Variants in AVIL observed in about 807,000 individuals in gnomAD.
The protein encoded by AVIL is advillin.
AVIL carries 78 observed loss-of-function variants against 109.9 expected under a neutral mutation model. That is an observed-to-expected ratio of 0.71 (90% CI 0.59 to 0.86). The LOEUF (loss-of-function observed/expected upper bound fraction) is 0.86. AVIL is among the 40% of genes least tolerant of loss of function. The probability of loss-of-function intolerance (pLI) is 0.00; values close to 1 mark genes in which losing one functional copy is unlikely to be tolerated. For synonymous variants in AVIL, 367 were observed against 379.1 expected, an observed-to-expected ratio of 0.97 and a Z score of 0.37; for missense variants, 892 against 1,016.5, an observed-to-expected ratio of 0.88 and a Z score of 1.67.
At chr12:57,812,871 A>G (rs983429680) in intron 4 of AVIL, among the ~76,000 whole-genome samples, 21 of 152,346 alleles carry the variant, frequency 1.4e-4, no homozygotes, top group Admixed American at 9.1e-4. Flanking sequence ...TCCTAACATC[A>G]TTAATGAGGC....
At chr12:57,802,585 A>G (rs961375547) in intron 16 of AVIL, 2 of 711,342 alleles carry the variant, frequency 2.8e-6, no homozygotes, top group Non-Finnish European at 5.1e-6. Flanking sequence ...GCTGTCTCTG[A>G]ACTTCAGCTT....
At chr12:57,803,204 T>A in intron 16 of AVIL, 43 bp downstream of exon 16, 2 of 1,612,202 alleles carry the variant, frequency 1.2e-6, no homozygotes, top group South Asian at 2.2e-5. Flanking sequence ...ACCCTTACTG[T>A]GGGAGTCTTT....
At position 57,808,402 on chromosome 12, in the gene AVIL, A is replaced by G. The variant is rs1208521509; in HGVS notation, c.1086T>C (p.Gly362=). ...ATCTGGGGGCAGTCTCACCAATTTT[A>G]CCAATGCTGAACGTTTTCCCCAGGC... ...TMGLGKTFSI[G]KIAKVFQDKF... Residue 362 remains glycine (G), a synonymous_variant, in exon 10 of 20, where the codon GGT becomes GGC. Coordinates refer to ENST00000549994, the MANE Select transcript of AVIL (RefSeq NM_006576.4). The G allele has an allele frequency of 4.3e-6, 7 of 1,613,984 alleles. No individual in the cohort carries two copies. Among genetic ancestry groups the G allele is most frequent in the Non-Finnish European group, 5.9e-6 (7 of 1,180,020 alleles).
intron 13 of AVIL, among the ~76,000 whole-genome samples, 187 bp from the exon 14 acceptor site, chr12:57,806,726 C>T (rs1955954158): frequency 6.6e-6 from 1 of 152,210 alleles, no homozygotes; most frequent in Non-Finnish European, 1.5e-5. Context: ...ATCCTGAGAA[C>T]TTTATCATAT....
rs1459350300 is a variant in AVIL at position 57,799,809 on chromosome 12, G to T, written c.2332C>A (p.Pro778Thr). 6.2e-7 allele frequency: 1 copy of T among 1,613,888 alleles called. No individual in the cohort carries two copies. Among genetic ancestry groups the T allele is most frequent in the South Asian group, 1.1e-5 (1 of 91,066 alleles). The change falls in exon 19 of 20, where the codon CCT becomes ACT. Residue 778 changes from proline to threonine, a missense_variant. Coordinates refer to ENST00000549994, the MANE Select transcript of AVIL (RefSeq NM_006576.4). ...CAGCCACTCACCTCCTTTTTGGCAG[G>T]GTTTACATCCTCAGGCAGCTCCTGA... Reference protein sequence around the residue: ...QNQELPEDVNPAKKENYLSEQ... With the variant: ...QNQELPEDVNTAKKENYLSEQ...
intron 4 of AVIL, 68 bp from the exon 5 acceptor site, chr12:57,811,195 A>T (rs1595172885): frequency 1.4e-6 from 2 of 1,414,974 alleles, no homozygotes; most frequent in Middle Eastern, 3.6e-4. Context: ...ACAGTGGTGA[A>T]TTACACAGAT....
Position 57,808,492 on chromosome 12 carries a change from A to G in AVIL, c.996T>C (p.Asp332=). 6.2e-7 allele frequency: 1 copy of G among 1,614,084 alleles called. No individual in the cohort carries two copies. Among genetic ancestry groups the G allele is most frequent in the South Asian group, 1.1e-5 (1 of 91,072 alleles). The change falls in exon 10 of 20, where the codon GAT becomes GAC. Residue 332 remains aspartate, a synonymous_variant. Coordinates refer to ENST00000549994, the MANE Select transcript of AVIL (RefSeq NM_006576.4). ...GCTTGAACATGGCCGACTCAGCACC[A>G]TCGTTGACGGTCTCCACATTGGTGC... ...PSSTNVETVN[D]GAESAMFKQL... is the part of the protein sequence containing the mutation.
intron 3 of AVIL, 133 bp downstream of exon 3, chr12:57,814,019 C>G: frequency 2.2e-6 from 2 of 909,396 alleles, no homozygotes; most frequent in Non-Finnish European, 3.3e-6. Context: ...GAGGTCTGCT[C>G]TGCATAGCAC....
intron 15 of AVIL, 43 bp from the exon 16 acceptor site, chr12:57,803,434 G>A: frequency 6.2e-7 from 1 of 1,613,576 alleles, no homozygotes; most frequent in South Asian, 1.1e-5. Context: ...GCTTAGAAAT[G>A]TTTTTAAAAC....
Position 57,813,307 on chromosome 12 carries a change from C to T in AVIL, c.258G>A (p.Leu86=), listed in dbSNP as rs140678741. The T allele has an allele frequency of 5.6e-6, 9 of 1,613,952 alleles. No individual in the cohort carries two copies. Among genetic ancestry groups the T allele is most frequent in the African/African-American group, 1.3e-5 (1 of 74,886 alleles). The change falls in exon 4 of 20, where the codon CTG becomes CTA. Residue 86 remains leucine (L), a synonymous_variant. Coordinates refer to ENST00000549994, the MANE Select transcript of AVIL (RefSeq NM_006576.4). ...CTCGGTGCTGCACAGGGCTGCCTCC[C>T]AGGTAGTCGTCCAGCTGTGTGGTAT... ...AIYTTQLDDY[L]GGSPVQHREV...
At chr12:57,817,055 G>A (rs1300130918) in intron 1 of AVIL, among the ~76,000 whole-genome samples, 1 of 151,754 alleles carries the variant, frequency 6.6e-6, no homozygotes, top group Non-Finnish European at 1.5e-5. Context: ...TATTCAAGGA[G>A]CATCTTGGGT....
intron 7 of AVIL, 131 bp from the exon 8 acceptor site, chr12:57,810,021 TTGAG>T: frequency 1.1e-6 from 1 of 922,740 alleles, no homozygotes. Flanking sequence ...CAGCCATGAC[TTGAG>T]TGAGGACAGG....
Position 57,816,028 on chromosome 12 carries a change from T to C in AVIL, c.13A>G (p.Ser5Gly). MPLT[S>G]AFRAVDNDPG... ...TCGTTGTCCACAGCCCTGAAGGCAC[T>C]GGTCAGAGGCATGATGCTTGTCTTT... The change falls in exon 2 of 20, where the codon AGT (serine) becomes GGT (glycine). Residue 5 changes from serine to glycine, a missense_variant. Physicochemically the swap from Ser to Gly is moderately conservative, Grantham distance 56. Coordinates refer to ENST00000549994, the MANE Select transcript of AVIL (RefSeq NM_006576.4). The C allele has an allele frequency of 6.2e-7, 1 of 1,613,550 alleles. No homozygotes were observed. The highest frequency in any genetic ancestry group is 8.5e-7 in the Non-Finnish European group (1 of 1,179,804).
intron 8 of AVIL, 45 bp downstream of exon 8, chr12:57,809,767 G>A (rs1321754147): frequency 6.2e-7 from 1 of 1,612,988 alleles, no homozygotes; most frequent in Non-Finnish European, 8.5e-7. Flanking sequence ...TGCTTCTGAA[G>A]CATGTCTGGC....
At position 57,808,525 on chromosome 12, in the gene AVIL, G is replaced by T. The variant is rs1272935390; in HGVS notation, c.963C>A (p.Tyr321Ter). The T allele has an allele frequency of 2.4e-5, 38 of 1,614,000 alleles. No homozygotes were observed. In the Admixed American group the frequency reaches 6.3e-4, roughly 27 times the overall value. ...KALGFIKMKS[Y>*]PSSTNVETVN... ...CGGTCTCCACATTGGTGCTGCTGGG[G>T]TAGCTCTTCATCTTGATGAAGCCCT... Residue 321 changes from tyrosine to a stop codon, truncating the protein, a stop_gained, in exon 10 of 20, where the codon TAC becomes TAA. Coordinates refer to ENST00000549994, the MANE Select transcript of AVIL (RefSeq NM_006576.4). LOFTEE classifies it high-confidence loss of function.
rs770410961 is a variant in AVIL at position 57,806,436 on chromosome 12, G to A, written c.1595C>T (p.Ala532Val). The change falls in exon 14 of 20, where the codon GCC becomes GTC. Residue 532 changes from alanine (A) to valine (V), a missense_variant. Coordinates refer to ENST00000549994, the MANE Select transcript of AVIL (RefSeq NM_006576.4). ...ATTGGAGTTTAGGGAGGAGGCAAAG[G>A]CTGGAACTTCCACTGCTTTGGTGTT... ...KSNTKAVEVP[A>V]FASSLNSNDV... 1 of 1,614,106 alleles carries A rather than the reference G, an allele frequency of 6.2e-7. No homozygotes were observed.
intron 18 of AVIL, 64 bp downstream of exon 18, chr12:57,801,080 T>C (rs1334571710): frequency 8.8e-6 from 12 of 1,371,320 alleles, no homozygotes; most frequent in South Asian, 1.2e-5. Context: ...TCTGTAGCAT[T>C]TGTGTGTTCT....
At chr12:57,802,484 G>T in intron 16 of AVIL, 136 bp from the exon 17 acceptor site, 1 of 1,042,368 alleles carries the variant, frequency 9.6e-7, no homozygotes. Flanking sequence ...AGCCTAATTT[G>T]TTCAGCAGAG....
At chr12:57,818,387 C>T (rs1359771124) in intron 1 of AVIL, among the ~76,000 whole-genome samples, 1 of 151,708 alleles carries the variant, frequency 6.6e-6, no homozygotes, top group African/African-American at 2.4e-5. Flanking sequence ...CCATCTTTCT[C>T]TAGGGATAGG....
Sources: allele counts gnomAD v4.1 joint callset (sites outside exome capture counted in the v4.1 genomes callset), GRCh38; gene constraint gnomAD v4.1.1; transcripts MANE v1.5; gene names NCBI Gene and HGNC (gene_info 2026-07-23, HGNC 2026-07-21).